The following MOSMO variants were observed in gnomAD, a reference collection of about 807,000 sequenced individuals.
MOSMO encodes the protein modulator of smoothened.
Under a neutral mutation model 18.4 loss-of-function variants are expected in MOSMO, and 5 were observed. The ratio of observed to expected loss-of-function variants is 0.27; its 90% CI spans 0.14 to 0.57. The LOEUF is 0.57. MOSMO is among the 20% of genes least tolerant of loss of function. The pLI is 0.92. For missense variants in MOSMO, 138 were observed against 211.8 expected (o/e 0.65, Z 2.16); for synonymous variants, 82 against 82.3 (o/e 1.00, Z 0.02).
intron 1 of MOSMO, among the ~76,000 whole-genome samples, chr16:22,070,600 C>T (rs1361020762): frequency 6.6e-6 from 1 of 152,162 alleles, no homozygotes; most frequent in African/African-American, 2.4e-5. Context: ...TATTATGTTA[C>T]TCAGGTTTTC....
chr16:22,063,019 A>AT (rs1398487110), intron 1 of MOSMO, among the ~76,000 whole-genome samples: 2 of 151,920 alleles, frequency 1.3e-5, no homozygotes, highest in African/African-American at 2.4e-5. Context: ...TTCCCAGCTA[A>AT]TTTTTTTTAT....
Position 22,008,380 on chromosome 16 carries a change from G to A in MOSMO, c.79G>A (p.Asp27Asn). The A allele has an allele frequency of 6.5e-7, 1 of 1,533,996 alleles. No homozygotes were observed. The highest frequency in any genetic ancestry group is 1.4e-5 in the African/African-American group (1 of 72,980). Residue 27 changes from aspartate (D) to asparagine (N), a missense_variant, in exon 1 of 3, where the codon GAC becomes AAC. Transcript: ENST00000542527. ...CGCCATCGCCAGCATCGCCAACCCG[G>A]ACTGGATCAACACCGGGGAGTCTGC... ...IFAIASIANP[D>N]WINTGESAGA... is the part of the protein sequence containing the mutation.
intron 1 of MOSMO, among the ~76,000 whole-genome samples, chr16:22,009,447 G>A (rs978839909): frequency 4.6e-5 from 7 of 151,908 alleles, no homozygotes; most frequent in African/African-American, 1.7e-4. Flanking sequence ...CTCAGCTTGG[G>A]CCACTTCTTT....
chr16:22,066,331 CA>C (rs1900747749), intron 1 of MOSMO, among the ~76,000 whole-genome samples: 1 of 152,100 alleles, frequency 6.6e-6, no homozygotes, highest in South Asian at 2.1e-4. Flanking sequence ...ATTGGGGTAA[CA>C]AAAGACTGAC....
At chr16:22,053,983 A>G (rs1900482517) in intron 1 of MOSMO, among the ~76,000 whole-genome samples, 1 of 152,204 alleles carries the variant, frequency 6.6e-6, no homozygotes, top group African/African-American at 2.4e-5. Context: ...GAGAGAAAGG[A>G]GAGTCATTTA....
chr16:22,040,300 ATAAC>A (rs1900186038), intron 1 of MOSMO, among the ~76,000 whole-genome samples: 1 of 152,206 alleles, frequency 6.6e-6, no homozygotes, highest in Non-Finnish European at 1.5e-5. Context: ...TCAGGAAAAA[ATAAC>A]TAATAGGTAC....
At chr16:22,077,392 T>TA (rs1900991051) in intron 2 of MOSMO, among the ~76,000 whole-genome samples, 1 of 152,178 alleles carries the variant, frequency 6.6e-6, no homozygotes, top group Admixed American at 6.5e-5. Flanking sequence ...TTTAAATAAT[T>TA]TAACTTTTTG....
At chr16:22,071,503 G>A (rs1050415369) in intron 1 of MOSMO, among the ~76,000 whole-genome samples, 5 of 152,134 alleles carry the variant, frequency 3.3e-5, no homozygotes, top group Admixed American at 2.6e-4. Flanking sequence ...CCTCACTGTG[G>A]CAACAGACAT....
rs924395309 is a variant in MOSMO at position 22,058,425 on chromosome 16, C to CAA, written c.107-17045_107-17044dup. On this transcript the variant is annotated intron_variant, in intron 1 of 2. Transcript: ENST00000542527. ...TGGGTGACAGAGCGAGACTCCGTCT[C>CAA]AAAAAAAAAAAAAAAAAAGAAAGAA... Among the ~76,000 whole-genome samples the CAA allele has an allele frequency of 2.3e-4, 13 of 56,662 alleles. No homozygotes were observed. In the South Asian group the frequency reaches 2.5e-3, roughly 11 times the overall value. 37.2% of individuals were successfully genotyped at this position (56,662 alleles called of 152,430 possible).
At position 22,083,959 on chromosome 16, in the gene MOSMO, T is replaced by G. The variant is rs917104832; in HGVS notation, c.*3079T>G. On this transcript the variant is annotated 3_prime_UTR_variant, in exon 3 of 3. Transcript: ENST00000542527. ...CCTATTTTCTGTTTCATTTGTTTTG[T>G]TTTTGAAGGATGGCTCTTTTTTCTT... The G allele has an allele frequency of 7.2e-6, 2 of 279,678 alleles. No homozygotes were observed. The allele number at this position is 279,678 out of a possible 1,614,324, so 17.3% of individuals were successfully genotyped here.
At chr16:22,043,058 G>A (rs916668560) in intron 1 of MOSMO, among the ~76,000 whole-genome samples, 1 of 152,124 alleles carries the variant, frequency 6.6e-6, no homozygotes, top group East Asian at 1.9e-4. Flanking sequence ...TTAACAGTGG[G>A]ACTATTGACT....
intron 1 of MOSMO, among the ~76,000 whole-genome samples, chr16:22,022,298 C>T (rs1400609114): frequency 6.6e-6 from 1 of 152,050 alleles, no homozygotes; most frequent in African/African-American, 2.4e-5. Flanking sequence ...GCTGGGATTA[C>T]AGGCATGAGC....
chr16:22,092,467 C>A (rs1009453593), downstream of MOSMO: 3 of 702,896 alleles, frequency 4.3e-6, no homozygotes, highest in Admixed American at 3.1e-5. Flanking sequence ...CCTTTCCCTG[C>A]CCCGAGCTGC....
At chr16:22,072,103 G>A (rs906590129) in intron 1 of MOSMO, among the ~76,000 whole-genome samples, 2 of 152,134 alleles carry the variant, frequency 1.3e-5, no homozygotes, top group African/African-American at 2.4e-5. Context: ...GTGCATGGTT[G>A]TATGATACAG....
At chr16:22,061,528 C>T (rs1215206367) in intron 1 of MOSMO, among the ~76,000 whole-genome samples, 1 of 152,192 alleles carries the variant, frequency 6.6e-6, no homozygotes, top group Non-Finnish European at 1.5e-5. Flanking sequence ...GGATGTGTGT[C>T]TGGCTGTGTG....
chr16:22,047,087 A>C (rs1468458062), intron 1 of MOSMO, among the ~76,000 whole-genome samples: 2 of 151,888 alleles, frequency 1.3e-5, no homozygotes, highest in African/African-American at 4.8e-5. Context: ...AAATATGTGG[A>C]CTTACAGAAA....
At chr16:22,015,652 G>T (rs1297632072) in intron 1 of MOSMO, among the ~76,000 whole-genome samples, 1 of 152,160 alleles carries the variant, frequency 6.6e-6, no homozygotes, top group East Asian at 1.9e-4. Context: ...CTTAAAGCTT[G>T]AGATCATTTA....
chr16:22,024,348 G>T (rs1399767626), intron 1 of MOSMO, among the ~76,000 whole-genome samples: 1 of 151,598 alleles, frequency 6.6e-6, no homozygotes, highest in Non-Finnish European at 1.5e-5. Flanking sequence ...TTAGTCTACA[G>T]CAGTTGATTA....
intron 1 of MOSMO, chr16:22,064,368 C>T (rs957682768): frequency 4.4e-6 from 2 of 456,456 alleles, no homozygotes; most frequent in Non-Finnish European, 8.8e-6. Flanking sequence ...GTTCTGTGTA[C>T]AAACCATGGA....
Sources: allele counts gnomAD v4.1 joint callset (sites outside exome capture counted in the v4.1 genomes callset), GRCh38; gene constraint gnomAD v4.1.1; transcripts MANE v1.5; gene names NCBI Gene and HGNC (gene_info 2026-07-23, HGNC 2026-07-21).